COQ8A: variants seen among roughly 807,000 people sequenced by gnomAD.
COQ8A encodes the protein atypical kinase COQ8A, mitochondrial.
A neutral mutation model predicts 65.0 loss-of-function variants in COQ8A; 51 were observed. The observed-to-expected ratio is 0.78, with a 90% CI of 0.63 to 0.99. COQ8A has a LOEUF of 0.99. COQ8A is among the 50% of genes least tolerant of loss of function. COQ8A has a pLI of 0.00. For synonymous variants in COQ8A, 371 were observed against 353.2 expected (o/e 1.05, Z -0.57); for missense variants, 940 against 875.0 (o/e 1.07, Z -0.94).
chr1:226,980,033 G>A (rs1042745650), intron 5 of COQ8A, among the ~76,000 whole-genome samples: 1 of 152,230 alleles, frequency 6.6e-6, no homozygotes, highest in Non-Finnish European at 1.5e-5. Context: ...GGGTTAAGGG[G>A]CCCAGGCATT....
chr1:226,983,352 T>C, intron 8 of COQ8A, 200 bp from the exon 9 acceptor site: 1 of 676,686 alleles, frequency 1.5e-6, no homozygotes, highest in East Asian at 2.7e-5. Flanking sequence ...AGGGGTGAGG[T>C]GAGGCAGGAG....
rs1485527593 is a variant in COQ8A at position 226,983,774 on chromosome 1, G to A, written c.1176G>A (p.Glu392=). 1.2e-6 allele frequency: 2 copies of A among 1,613,122 alleles called. No individual in the cohort carries two copies. The highest frequency in any genetic ancestry group is 2.2e-5 in the South Asian group (2 of 91,062). The change falls in exon 10 of 15, where the codon GAG becomes GAA. Residue 392 remains glutamate (E), a synonymous_variant. Transcript: ENST00000366777. ...SNMLPEGLFP[E]HLIDVLRREL... ...TCCCTGGCCCAGGCCTGTTCCCCGA[G>A]CACCTGATCGACGTGCTGAGGCGGG...
In COQ8A at chr1:226,965,227, C is replaced by T; in HGVS notation, c.405C>T (p.Ser135=). 6.2e-7 allele frequency: 1 copy of T among 1,613,974 alleles called. No homozygotes were observed. The highest frequency in any genetic ancestry group is 8.5e-7 in the Non-Finnish European group (1 of 1,180,038). The change falls in exon 3 of 15, where the codon TCC becomes TCT. Residue 135 remains serine, a synonymous_variant. Coordinates refer to ENST00000366777, the MANE Select transcript of COQ8A (RefSeq NM_020247.5). ...AAGCCGGGTTCCCCGGCCAGGCCTCCTCCCCTCTGGGCAGGGCCAACGGGA... is the reference window on the plus strand; with the variant it reads ...AAGCCGGGTTCCCCGGCCAGGCCTCTTCCCCTCTGGGCAGGGCCAACGGGA... ...FREAGFPGQA[S]SPLGRANGRL... is the part of the protein sequence containing the mutation.
intron 1 of COQ8A, among the ~76,000 whole-genome samples, chr1:226,958,852 G>A (rs370081999): frequency 3.9e-5 from 6 of 152,320 alleles, no homozygotes; most frequent in East Asian, 3.9e-4. Flanking sequence ...CCCCCAAAAC[G>A]TGCTCATGGA....
At position 226,982,730 on chromosome 1, in the gene COQ8A, G is replaced by C; in HGVS notation, c.906G>C (p.Gln302His). The change falls in exon 7 of 15, where the codon CAG (glutamine) becomes CAC (histidine). Residue 302 changes from glutamine (Q) to histidine (H), a missense_variant. Gln to His is a conservative substitution (Grantham distance 24). Coordinates refer to ENST00000366777, the MANE Select transcript of COQ8A (RefSeq NM_020247.5). ...HLAKIFERVRQSADFMPLKQM... is the reference protein window; with the variant it reads ...HLAKIFERVRHSADFMPLKQM... ...CTAAGATCTTCGAGCGGGTGCGGCAGAGCGCGGACTTCATGCCACTGAAGC... is the reference window on the plus strand; with the variant it reads ...CTAAGATCTTCGAGCGGGTGCGGCACAGCGCGGACTTCATGCCACTGAAGC... 6.2e-7 allele frequency: 1 copy of C among 1,613,754 alleles called. No homozygotes were observed. Among genetic ancestry groups the C allele is most frequent in the Non-Finnish European group, 8.5e-7 (1 of 1,180,018 alleles).
intron 11 of COQ8A, 101 bp from the exon 12 acceptor site, chr1:226,984,447 A>C (rs988854661): frequency 1.5e-6 from 2 of 1,296,398 alleles, no homozygotes; most frequent in African/African-American, 2.9e-5. Flanking sequence ...TCCCTAGGGT[A>C]GGGTGGGTAA....
intron 5 of COQ8A, among the ~76,000 whole-genome samples, chr1:226,980,417 C>T (rs962034196): frequency 6.6e-6 from 1 of 152,234 alleles, no homozygotes; most frequent in African/African-American, 2.4e-5. Flanking sequence ...CATGAGGAGA[C>T]AGACTGTCCC....
intron 1 of COQ8A, among the ~76,000 whole-genome samples, chr1:226,945,483 C>G (rs1032653383): frequency 1.3e-5 from 2 of 152,196 alleles, no homozygotes; most frequent in Non-Finnish European, 2.9e-5. Context: ...CTGATACTGG[C>G]TCAGAGGAGG....
At chr1:226,985,603 G>C (rs944620648) in intron 14 of COQ8A, among the ~76,000 whole-genome samples, 1 of 152,224 alleles carries the variant, frequency 6.6e-6, no homozygotes, top group Admixed American at 6.5e-5. Flanking sequence ...AGGGCTTGGG[G>C]TTGGGCCTCG....
chr1:226,962,125 G>T (rs923989321), intron 2 of COQ8A, among the ~76,000 whole-genome samples: 5 of 152,208 alleles, frequency 3.3e-5, no homozygotes, highest in African/African-American at 1.2e-4. Context: ...AGCCTTCGAA[G>T]GCCCTTCCCA....
chr1:226,954,429 G>A (rs1333898610), intron 1 of COQ8A, among the ~76,000 whole-genome samples: 1 of 152,238 alleles, frequency 6.6e-6, no homozygotes, highest in Admixed American at 6.5e-5. Flanking sequence ...TAAGTTCCTG[G>A]GACCTGCAGT....
Position 226,972,691 on chromosome 1 carries a change from C to T in COQ8A, c.656-4758C>T, listed in dbSNP as rs559956626. 6.6e-6 allele frequency among the ~76,000 whole-genome samples: 1 copy of T among 152,188 alleles called. No homozygotes were observed. Among genetic ancestry groups the T allele is most frequent in the South Asian group, 2.1e-4 (1 of 4,802 alleles). ...TCTCTCTGGGACCATTGTGCCCCAT[C>T]CCCCCAAACTTTTGTGTCCCTCATC... On this transcript the variant is annotated intron_variant, in intron 4 of 14. Transcript: ENST00000366777. The surrounding 1 kb of genome is among the most constrained non-coding windows in gnomAD (Gnocchi z 4.3).
rs553105858 is a variant in COQ8A at position 226,986,676 on chromosome 1, C to T, written c.1883C>T (p.Pro628Leu). ...TGCTCCAAGCTGAAGGCCCGCTTCC[C>T]CTGCAAGGCCATGTTCGAGGAGGCC... is the stretch of plus-strand genomic sequence containing the variant. ...LICSKLKARFPCKAMFEEAYS... is the reference protein window; with the variant it reads ...LICSKLKARFLCKAMFEEAYS... The change falls in exon 15 of 15, where the codon CCC becomes CTC. Residue 628 changes from proline (P) to leucine (L), a missense_variant. Pro to Leu is a moderately conservative substitution (Grantham distance 98, BLOSUM62 -3). Transcript: ENST00000366777. The T allele has an allele frequency of 5.6e-6, 9 of 1,614,122 alleles. No homozygotes were observed. In the African/African-American group the frequency reaches 9.3e-5, roughly 17 times the overall value.
intron 4 of COQ8A, 194 bp from the exon 5 acceptor site, chr1:226,977,255 T>A: frequency 1.7e-6 from 1 of 591,612 alleles, no homozygotes; most frequent in Non-Finnish European, 3.0e-6. Context: ...AACACCTACC[T>A]CGAGCCAAAT....
chr1:226,986,618 C>G lies in COQ8A; in HGVS notation c.1825C>G (p.Leu609Val). The part of the protein sequence containing the change: ...LVPPPEETYS[L>V]HRKMGGSFLI... ...CCCCCCACCCGAGGAAACCTACTCC[C>G]TGCACAGGAAGATGGGGGGCTCCTT... is the stretch of plus-strand genomic sequence containing the variant. The change falls in exon 15 of 15, where the codon CTG (leucine) becomes GTG (valine). Residue 609 changes from leucine to valine, a missense_variant. By Grantham distance (32) the Leu-to-Val change is conservative (BLOSUM62 1). Coordinates refer to ENST00000366777, the MANE Select transcript of COQ8A (RefSeq NM_020247.5). 2.5e-6 allele frequency: 4 copies of G among 1,614,060 alleles called. No individual in the cohort carries two copies. The highest frequency in any genetic ancestry group is 3.4e-6 in the Non-Finnish European group (4 of 1,180,008).
chr1:226,973,561 G>A (rs1659022625), intron 4 of COQ8A, among the ~76,000 whole-genome samples: 1 of 152,214 alleles, frequency 6.6e-6, no homozygotes, highest in Non-Finnish European at 1.5e-5. Flanking sequence ...GGAACAGAGG[G>A]ACAGATCCTG....
intron 1 of COQ8A, among the ~76,000 whole-genome samples, chr1:226,945,658 C>T (rs1028975882): frequency 6.6e-6 from 1 of 152,210 alleles, no homozygotes; most frequent in Non-Finnish European, 1.5e-5. Context: ...TGTGCTGCCG[C>T]GATGCCTGTT....
intron 1 of COQ8A, among the ~76,000 whole-genome samples, chr1:226,956,894 A>C (rs1425009329): frequency 4.8e-4 from 40 of 83,592 alleles, no homozygotes; most frequent in South Asian, 1.0e-3. Flanking sequence ...TCCCTGGTTC[A>C]CACTCTCCCT....
In COQ8A at chr1:226,971,628, G is replaced by A. The variant is rs547999810; in HGVS notation, c.656-5821G>A. 4.6e-5 allele frequency among the ~76,000 whole-genome samples: 7 copies of A among 152,244 alleles called. No individual in the cohort carries two copies. The South Asian group carries it at 1.2e-3, about 27-fold the overall frequency. ...GGTATTTTTGCTGGGTAGAATATTC[G>A]ATGTTGAAAATGTGTTTCCTTTGAT... is the stretch of plus-strand genomic sequence containing the variant. On this transcript the variant is annotated intron_variant, in intron 4 of 14. Transcript: ENST00000366777.
Sources: gnomAD v4.1 joint callset for allele counts (sites outside exome capture counted in the v4.1 genomes callset) on GRCh38, gnomAD v4.1.1 for gene constraint, Gnocchi (gnomAD v3.1) non-coding constraint, MANE v1.5 for transcripts, NCBI Gene and HGNC (gene_info 2026-07-23, HGNC 2026-07-21) for gene names.